Variants in TNIK observed in about 807,000 individuals in gnomAD.
TNIK encodes the protein TRAF2 and NCK-interacting protein kinase.
A neutral mutation model predicts 191.3 loss-of-function variants in TNIK; 49 were observed. The observed-to-expected ratio is 0.26, with a 90% confidence interval of 0.20 to 0.32. The LOEUF (loss-of-function observed/expected upper bound fraction) is 0.32, where lower values mean the gene tolerates loss of function less well. Among genes scored for constraint, TNIK ranks in the 10% least tolerant of loss-of-function variants. TNIK has a pLI of 1.00. For missense variants in TNIK, 1,155 were observed against 1,702.3 expected (o/e 0.68, Z 5.66); for synonymous variants, 594 against 600.9 (o/e 0.99, Z 0.17).
chr3:171,130,633 A>G (rs553951243), intron 15 of TNIK, among the ~76,000 whole-genome samples: 41 of 152,374 alleles, frequency 2.7e-4, no homozygotes, highest in African/African-American at 9.9e-4. Flanking sequence ...GGCATGCAAT[A>G]TATCACTTTT....
intron 2 of TNIK, among the ~76,000 whole-genome samples, chr3:171,241,221 G>A (rs1299654535): frequency 4.0e-5 from 6 of 151,802 alleles, no homozygotes; most frequent in Non-Finnish European, 5.9e-5. Context: ...GTAGAGACAG[G>A]GTTTCTTCAT....
intron 2 of TNIK, among the ~76,000 whole-genome samples, chr3:171,346,232 C>G (rs1357540787): frequency 6.6e-6 from 1 of 152,132 alleles, no homozygotes; most frequent in Non-Finnish European, 1.5e-5. Context: ...GCTTAACAAT[C>G]TATGCAGAAT....
intron 1 of TNIK, among the ~76,000 whole-genome samples, chr3:171,416,573 A>G (rs1723114920): frequency 6.6e-6 from 1 of 152,172 alleles, no homozygotes; most frequent in Non-Finnish European, 1.5e-5. Context: ...CATTTACTCT[A>G]CAATATTTAA....
rs1332627431 is a variant in TNIK, at chr3:171,064,142, C to T, written c.4000-178G>A. ...CGTGCATCCTATGTAAAAACTCCTG[C>T]CTTTATTCCTAGGTTGTTATTATTC... is the stretch of plus-strand genomic sequence containing the variant. On this transcript the variant is annotated intron_variant, in intron 32 of 32. Coordinates refer to ENST00000436636, the MANE Select transcript of TNIK (RefSeq NM_015028.4). The T allele has an allele frequency of 6.9e-6, 4 of 579,194 alleles. No individual in the cohort carries two copies. The East Asian group carries it at 1.2e-4, about 18-fold the overall frequency. 35.9% of individuals were successfully genotyped at this position (579,194 alleles called of 1,614,324 possible).
At chr3:171,332,841 A>T (rs962696689) in intron 2 of TNIK, among the ~76,000 whole-genome samples, 1 of 152,244 alleles carries the variant, frequency 6.6e-6, no homozygotes, top group African/African-American at 2.4e-5. Flanking sequence ...AGGAAACACA[A>T]AGATGCTTGG....
chr3:171,228,823 C>T (rs1743268161), intron 2 of TNIK, among the ~76,000 whole-genome samples: 2 of 152,162 alleles, frequency 1.3e-5, no homozygotes, highest in African/African-American at 4.8e-5. Flanking sequence ...AAGCAGCAAC[C>T]ACGTGGCAAA....
Position 171,063,610 on chromosome 3 carries a change from C to T in TNIK, c.*271G>A, listed in dbSNP as rs573831157. ...CAATATTTGTTTCTATCCCTAATTC[C>T]GAAGGGCACATGGTCCATCTTTGTC... On this transcript the variant is annotated 3_prime_UTR_variant, in exon 33 of 33. Coordinates refer to ENST00000436636, the MANE Select transcript of TNIK (RefSeq NM_015028.4). 3 of 339,626 alleles carry T rather than the reference C, an allele frequency of 8.8e-6. No homozygotes were observed. Among genetic ancestry groups the T allele is most frequent in the East Asian group, 1.0e-4 (2 of 19,142 alleles). The allele number at this position is 339,626 out of a possible 1,614,324, so 21.0% of individuals were successfully genotyped here. A position where few individuals can be genotyped will look rare whatever the true frequency, so the allele number is the denominator to read the frequency against.
Position 171,101,434 on chromosome 3 carries a change from AAGT to A in TNIK, c.2591+12_2591+14del. 1.3e-6 allele frequency: 2 copies of A among 1,588,122 alleles called. No individual in the cohort carries two copies. Among genetic ancestry groups the A allele is most frequent in the Non-Finnish European group, 1.7e-6 (2 of 1,171,138 alleles). On this transcript the variant is annotated intron_variant, in intron 22 of 32. Coordinates refer to ENST00000436636, the MANE Select transcript of TNIK (RefSeq NM_015028.4). ...AGTCCCCTCCCGGTCTACACTTTAA[AAGT>A]AGTTCTCTTACATCAGTCTGGGTAT...
intron 1 of TNIK, among the ~76,000 whole-genome samples, chr3:171,416,291 C>A (rs192641750): frequency 3.7e-4 from 57 of 152,132 alleles, no homozygotes; most frequent in African/African-American, 1.3e-3. Context: ...TCATCATCAG[C>A]CATGAAATGT....
intron 1 of TNIK, among the ~76,000 whole-genome samples, chr3:171,429,758 C>A (rs1287287072): frequency 6.6e-6 from 1 of 152,130 alleles, no homozygotes; most frequent in Admixed American, 6.5e-5. Context: ...CTCCTCCATC[C>A]CCTCTTCTCT....
intron 1 of TNIK, among the ~76,000 whole-genome samples, chr3:171,379,368 G>A (rs1450650147): frequency 6.6e-6 from 1 of 152,160 alleles, no homozygotes; most frequent in Non-Finnish European, 1.5e-5. Flanking sequence ...AGGACTTCTT[G>A]TAACACTGAC....
chr3:171,236,633 C>T (rs544341233), intron 2 of TNIK, among the ~76,000 whole-genome samples: 46 of 152,266 alleles, frequency 3.0e-4, no homozygotes, highest in Middle Eastern at 3.4e-3. Context: ...AGAGGTAGGA[C>T]GATGCAACTG....
At chr3:171,360,566 C>G (rs1196274883) in intron 2 of TNIK, among the ~76,000 whole-genome samples, 1 of 152,164 alleles carries the variant, frequency 6.6e-6, no homozygotes, top group Non-Finnish European at 1.5e-5. Context: ...TAAGCTCACA[C>G]AGCTAATGAG....
rs373014554 is a variant in TNIK, at chr3:171,068,864, A to G, written c.3683T>C (p.Ile1228Thr). 8 of 1,613,436 alleles carry G rather than the reference A, an allele frequency of 5.0e-6. No homozygotes were observed. Among genetic ancestry groups the G allele is most frequent in the Non-Finnish European group, 5.9e-6 (7 of 1,179,668 alleles). ...AGTACTTACATGAGATGGTATGTAG[A>G]TATCATAAGAGTTTCCTGAATCAAC... ...IDVDSGNSYDIYIPSHIQGNI... is the reference protein window; with the variant it reads ...IDVDSGNSYDTYIPSHIQGNI... The change falls in exon 30 of 33, where the codon ATC becomes ACC. Residue 1228 changes from isoleucine (I) to threonine (T), a missense_variant. By Grantham distance (89) the Ile-to-Thr change is moderately conservative. Coordinates refer to ENST00000436636, the MANE Select transcript of TNIK (RefSeq NM_015028.4).
At chr3:171,118,364 CAAGGT>C (rs942303641) in intron 18 of TNIK, among the ~76,000 whole-genome samples, 2 of 152,134 alleles carry the variant, frequency 1.3e-5, no homozygotes, top group Non-Finnish European at 2.9e-5. Flanking sequence ...CCATACTGCC[CAAGGT>C]AATTTATAGA....
chr3:171,347,738 T>A (rs1712490164), intron 2 of TNIK, among the ~76,000 whole-genome samples: 1 of 152,166 alleles, frequency 6.6e-6, no homozygotes, highest in African/African-American at 2.4e-5. Context: ...TATAATAGCC[T>A]GTCCTAGATA....
chr3:171,327,900 T>TTAAAAAAAAAAAAAAAAAAAAAA (rs1755963954), intron 2 of TNIK, among the ~76,000 whole-genome samples: 1 of 79,622 alleles, frequency 1.3e-5, no homozygotes, highest in African/African-American at 4.1e-5. Context: ...ACCTGGCTCA[T>TTAAAAAAAAAAAAAAAAAAAAAA]AAAAAAAAAA....
rs7627094 is a variant in TNIK at position 171,111,295 on chromosome 3, C to T, written c.2121-418G>A. Among the ~76,000 whole-genome samples, 85 of 152,070 alleles carry T rather than the reference C, an allele frequency of 5.6e-4. 1 individual carries two copies. Among genetic ancestry groups the T allele is most frequent in the African/African-American group, 2.0e-3 (84 of 41,410 alleles). On this transcript the variant is annotated intron_variant, in intron 18 of 32. Coordinates refer to ENST00000436636, the MANE Select transcript of TNIK (RefSeq NM_015028.4). The stretch of plus-strand genomic sequence containing the variant: ...CTGGGCATAGTGGCATGTGCCTGTC[C>T]TCCCACTTACATGAGAGGCTGAGGT...
intron 9 of TNIK, among the ~76,000 whole-genome samples, chr3:171,170,965 T>A (rs765330392): frequency 6.6e-6 from 1 of 151,980 alleles, no homozygotes; most frequent in Non-Finnish European, 1.5e-5. Flanking sequence ...GGTGGGAGGA[T>A]CATTTGAGCC....
Sources: gnomAD v4.1 joint callset for allele counts (sites outside exome capture counted in the v4.1 genomes callset) on GRCh38, gnomAD v4.1.1 for gene constraint, MANE v1.5 for transcripts, NCBI Gene and HGNC (gene_info 2026-07-23, HGNC 2026-07-21) for gene names.